The following RTN4 variants were observed in gnomAD, a reference collection of about 807,000 sequenced individuals.
RTN4 encodes reticulon-4.
In RTN4, 32 loss-of-function variants were observed where a neutral mutation model predicts 90.4. The observed-to-expected ratio is 0.35, with a 90% CI of 0.27 to 0.48. The LOEUF (loss-of-function observed/expected upper bound fraction) is 0.48, where lower values mean the gene tolerates loss of function less well. Ranked by LOEUF, RTN4 falls within the 20% of genes least tolerant of loss-of-function variation. The pLI, the probability that RTN4 is intolerant of heterozygous loss-of-function variation, is 0.99. For synonymous variants in RTN4, 629 were observed against 552.5 expected (o/e 1.14, Z -1.94); for missense variants, 1,706 against 1,430.2 (o/e 1.19, Z -3.11).
At position 54,986,199 on chromosome 2, in the gene RTN4, G is replaced by GT. The variant is rs1553433600; in HGVS notation, c.3221+1291dup. Reference sequence around the variant, plus strand: ...ATAGAGGGCCGGTGCATTTTCTTTTGTTTTTTTTCTCTTTAGAAAAAAAGT... The same window carrying GT: ...ATAGAGGGCCGGTGCATTTTCTTTTGTTTTTTTTTCTCTTTAGAAAAAAAGT... On this transcript the variant is annotated intron_variant, in intron 4 of 8. Coordinates refer to ENST00000337526, the MANE Select transcript of RTN4 (RefSeq NM_020532.5). Among the ~76,000 whole-genome samples, 8 of 151,876 alleles carry GT rather than the reference G, an allele frequency of 5.3e-5. No individual in the cohort carries two copies. In the South Asian group the frequency reaches 6.3e-4, roughly 12 times the overall value.
intron 2 of RTN4, among the ~76,000 whole-genome samples, chr2:55,070,048 G>C (rs916203803): frequency 3.3e-5 from 5 of 152,118 alleles, no homozygotes; most frequent in Admixed American, 3.3e-4. Flanking sequence ...TAATCATAGG[G>C]CAAACTGATA....
intron 1 of RTN4, among the ~76,000 whole-genome samples, chr2:55,100,663 G>A (rs1667837385): frequency 6.6e-6 from 1 of 152,010 alleles, no homozygotes. Flanking sequence ...TTAAATCAAA[G>A]TTTATTTAAA....
intron 1 of RTN4, among the ~76,000 whole-genome samples, chr2:55,035,209 CAATAT>C (rs1348527021): frequency 1.3e-5 from 2 of 152,138 alleles, no homozygotes; most frequent in East Asian, 1.9e-4. Flanking sequence ...CTACAACCAA[CAATAT>C]AATACACATT....
the RTN4 span, among the ~76,000 whole-genome samples, chr2:55,127,015 G>T: frequency 1.3e-5 from 2 of 152,170 alleles, no homozygotes; most frequent in Non-Finnish European, 1.5e-5. Flanking sequence ...ACTTGAGGGG[G>T]AGAGTACGGG....
At position 54,989,510 on chromosome 2, in the gene RTN4, G is replaced by A. The variant is rs192283584; in HGVS notation, c.3014-1812C>T. 2.0e-4 allele frequency among the ~76,000 whole-genome samples: 30 copies of A among 152,208 alleles called. No individual in the cohort carries two copies. The East Asian group carries it at 3.7e-3, about 19-fold the overall frequency. ...CTATAGGTTGTCAAAGGGACATTACGAATAATGTCATATTGAATAAAGAGA... is the reference window on the plus strand; with the variant it reads ...CTATAGGTTGTCAAAGGGACATTACAAATAATGTCATATTGAATAAAGAGA... On this transcript the variant is annotated intron_variant, in intron 3 of 8. Transcript: ENST00000337526.
rs1346527716 is a variant in RTN4 at position 54,982,679 on chromosome 2, G to C, written c.3222-26C>G. The stretch of plus-strand genomic sequence containing the variant: ...CTAGAAAACAAAACACATCATAATT[G>C]TCACTAATTGGAGTGATTTTCCCCT... On this transcript the variant is annotated intron_variant, in intron 4 of 8. Transcript: ENST00000337526. 3.2e-6 allele frequency: 5 copies of C among 1,576,632 alleles called. No homozygotes were observed. The Admixed American group carries it at 9.5e-5, about 30-fold the overall frequency.
At chr2:55,096,137 A>G (rs1395698359) in intron 1 of RTN4, among the ~76,000 whole-genome samples, 2 of 152,046 alleles carry the variant, frequency 1.3e-5, no homozygotes, top group African/African-American at 4.8e-5. Context: ...GCCCAACCTA[A>G]CCAACATGGA....
intron 2 of RTN4, among the ~76,000 whole-genome samples, chr2:55,067,603 T>G (rs370635230): frequency 1.5e-4 from 23 of 151,946 alleles, no homozygotes; most frequent in African/African-American, 4.8e-4. Context: ...TTTGTAGAGA[T>G]AGGATTTCAC....
chr2:55,000,557 GT>G lies in RTN4; in HGVS notation c.3014-12860del, dbSNP rs1679781678. Reference sequence around the variant, plus strand: ...AATCTCCCAGTCTGAGCAAGGCACTGTGCTGAGTACATTGTATACATTACCT... The same window carrying G: ...AATCTCCCAGTCTGAGCAAGGCACTGGCTGAGTACATTGTATACATTACCT... On this transcript the variant is annotated intron_variant, in intron 3 of 8. Transcript: ENST00000337526. 2.0e-5 allele frequency among the ~76,000 whole-genome samples: 3 copies of G among 152,104 alleles called. No individual in the cohort carries two copies. In the South Asian group the frequency reaches 6.2e-4, roughly 32 times the overall value.
chr2:55,098,424 C>T (rs191234100), intron 1 of RTN4, among the ~76,000 whole-genome samples: 2 of 151,930 alleles, frequency 1.3e-5, no homozygotes, highest in Admixed American at 1.3e-4. Flanking sequence ...AATAATAAAC[C>T]TCCAAATACC....
chr2:55,125,176 T>C, the RTN4 span, among the ~76,000 whole-genome samples: 2 of 151,876 alleles, frequency 1.3e-5, no homozygotes, highest in Non-Finnish European at 2.9e-5. Context: ...ACCTAAACAA[T>C]ACCATCCTGG....
At chr2:54,986,522 G>C (rs1037267863) in intron 4 of RTN4, among the ~76,000 whole-genome samples, 3 of 152,160 alleles carry the variant, frequency 2.0e-5, no homozygotes, top group Non-Finnish European at 2.9e-5. Context: ...ACAGGCCCCT[G>C]GTTAGACTGA....
chr2:55,075,831 A>G (rs1419666530), intron 2 of RTN4, among the ~76,000 whole-genome samples: 1 of 152,192 alleles, frequency 6.6e-6, no homozygotes, highest in Non-Finnish European at 1.5e-5. Context: ...ACAAAAACAT[A>G]AAATGAGGAA....
At chr2:55,072,239 T>A (rs1573498296) in intron 2 of RTN4, among the ~76,000 whole-genome samples, 1 of 151,478 alleles carries the variant, frequency 6.6e-6, no homozygotes, top group South Asian at 2.1e-4. Flanking sequence ...TTCTTTTCTT[T>A]TTTTTTTTGA....
the RTN4 span, among the ~76,000 whole-genome samples, chr2:55,128,844 C>T: frequency 4.0e-5 from 6 of 151,240 alleles, no homozygotes; most frequent in African/African-American, 1.5e-4. Context: ...CGGTGGCTCA[C>T]GCCTGTAATC....
At chr2:55,127,156 T>C in the RTN4 span, among the ~76,000 whole-genome samples, 2 of 152,034 alleles carry the variant, frequency 1.3e-5, no homozygotes, top group South Asian at 4.2e-4. Context: ...CCCCTAAATC[T>C]AAAATAAAAG....
In RTN4 at chr2:55,049,809, C is replaced by T. The variant is rs1464522451; in HGVS notation, c.492G>A (p.Pro164=). The T allele has an allele frequency of 5.7e-6, 6 of 1,055,264 alleles. No individual in the cohort carries two copies. The Admixed American group carries it at 3.2e-4, about 57-fold the overall frequency. The allele number at this position is 1,055,264 out of a possible 1,614,324, so 65.4% of individuals were successfully genotyped here. Residue 164 remains proline, a synonymous_variant, in exon 1 of 9, where the codon CCG becomes CCA. Coordinates refer to ENST00000337526, the MANE Select transcript of RTN4 (RefSeq NM_020532.5). The part of the protein sequence containing the change: ...QAEPVWTPPA[P]APAAPPSTPA... ...GGGTGGAGGGGGGCGCGGCGGGAGC[C>T]GGGGCTGGCGGGGTCCACACGGGCT...
chr2:55,010,332 GCTA>G (rs1336992277), intron 3 of RTN4: 23 of 1,382,836 alleles, frequency 1.7e-5, no homozygotes, highest in Non-Finnish European at 1.9e-5. Flanking sequence ...CTGTAACTAG[GCTA>G]CTAATACTCC....
rs191116822 is a variant in RTN4, at chr2:55,096,040, C to T, written c.-213-15401G>A. Among the ~76,000 whole-genome samples the T allele has an allele frequency of 1.3e-3, 192 of 152,204 alleles. 1 individual carries two copies. Among genetic ancestry groups the T allele is most frequent in the African/African-American group, 4.4e-3 (181 of 41,522 alleles). On this transcript the variant is annotated intron_variant, in intron 1 of 3. Coordinates refer to the RTN4 transcript ENST00000427710. ...ATTTTCATCCCACCATATAAGAGCGCATGCTGGGCCGGGTATGGTGGCTCA... is the reference window on the plus strand; with the variant it reads ...ATTTTCATCCCACCATATAAGAGCGTATGCTGGGCCGGGTATGGTGGCTCA...
Sources: allele counts gnomAD v4.1 joint callset (sites outside exome capture counted in the v4.1 genomes callset), GRCh38; gene constraint gnomAD v4.1.1; transcripts MANE v1.5; gene names NCBI Gene and HGNC (gene_info 2026-07-23, HGNC 2026-07-21).